MAML3: variants seen among roughly 807,000 people sequenced by gnomAD.
The protein encoded by MAML3 is mastermind like transcriptional coactivator 3.
In MAML3, 27 loss-of-function variants were observed where a neutral mutation model predicts 101.9. That is an observed-to-expected ratio of 0.27 (90% CI 0.20 to 0.37). The LOEUF is 0.37. MAML3 is among the 10% of genes least tolerant of loss of function. The probability of loss-of-function intolerance (pLI) is 1.00; values close to 1 mark genes in which losing one functional copy is unlikely to be tolerated. For synonymous variants in MAML3, 501 were observed against 555.9 expected (o/e 0.90, Z 1.39); for missense variants, 1,316 against 1,444.9 (o/e 0.91, Z 1.45).
chr4:139,861,415 A>C (rs1384785918), intron 2 of MAML3, among the ~76,000 whole-genome samples: 1 of 151,054 alleles, frequency 6.6e-6, no homozygotes, highest in Non-Finnish European at 1.5e-5. Context: ...AGTCTACCCC[A>C]ACATATCCTA....
intron 1 of MAML3, among the ~76,000 whole-genome samples, chr4:140,141,088 A>G (rs780650090): frequency 1.3e-5 from 2 of 152,350 alleles, no homozygotes; most frequent in Non-Finnish European, 2.9e-5. Context: ...ACAGAAAAAT[A>G]TAGTAGCCAA....
intron 1 of MAML3, among the ~76,000 whole-genome samples, chr4:140,047,682 G>A (rs1306820392): frequency 2.0e-5 from 3 of 151,704 alleles, no homozygotes; most frequent in African/African-American, 7.3e-5. Context: ...TTCTTTGCCC[G>A]CTCTTGGAGC....
intron 2 of MAML3, among the ~76,000 whole-genome samples, chr4:139,775,614 G>A (rs558782669): frequency 2.6e-5 from 4 of 152,194 alleles, no homozygotes; most frequent in Admixed American, 2.6e-4. Context: ...GAAAATAGGG[G>A]GCAGTTTGCA....
chr4:140,134,114 A>G (rs1051953747), intron 1 of MAML3: 29 of 456,624 alleles, frequency 6.4e-5, no homozygotes, highest in Non-Finnish European at 1.2e-4. Context: ...CACAGTGCTC[A>G]GGGCAAGAAG....
At chr4:140,075,491 T>G (rs1727750394) in intron 1 of MAML3, among the ~76,000 whole-genome samples, 2 of 152,200 alleles carry the variant, frequency 1.3e-5, no homozygotes, top group Admixed American at 6.5e-5. Flanking sequence ...TATGTGCACT[T>G]TATATATTTT....
intron 1 of MAML3, among the ~76,000 whole-genome samples, chr4:139,920,728 G>A (rs1162613291): frequency 2.6e-5 from 4 of 152,188 alleles, no homozygotes; most frequent in Non-Finnish European, 4.4e-5. Flanking sequence ...CAGGGAGGCT[G>A]TAATTTCTAC....
chr4:139,837,366 T>G (rs1258648108), intron 2 of MAML3, among the ~76,000 whole-genome samples: 2 of 151,418 alleles, frequency 1.3e-5, no homozygotes, highest in Non-Finnish European at 1.5e-5. Flanking sequence ...GGCCTGGTGG[T>G]GGGCGCCTGT....
intron 1 of MAML3, among the ~76,000 whole-genome samples, chr4:139,968,309 TAA>T (rs60977680): frequency 5.2e-4 from 55 of 106,230 alleles, no homozygotes; most frequent in African/African-American, 8.4e-4. Flanking sequence ...GGCTCTGTCT[TAA>T]AAAAAAAAAA....
intron 1 of MAML3, among the ~76,000 whole-genome samples, chr4:139,979,420 CCT>C (rs762120550): frequency 2.0e-5 from 3 of 152,136 alleles, no homozygotes; most frequent in Non-Finnish European, 2.9e-5. Flanking sequence ...TCCATTTGCC[CCT>C]GTCTGCTGAG....
chr4:139,793,297 C>T lies in MAML3; in HGVS notation c.2080-62630G>A, dbSNP rs75108081. 9.2e-3 allele frequency among the ~76,000 whole-genome samples: 1,394 copies of T among 152,206 alleles called. 25 individuals are homozygous for T. The highest frequency in any genetic ancestry group is 0.032 in the African/African-American group (1,319 of 41,498). On this transcript the variant is annotated intron_variant, in intron 2 of 4. Coordinates refer to ENST00000509479, the MANE Select transcript of MAML3 (RefSeq NM_018717.5). ...ACTCAGTGTGACTGTGCGAACTCCC[C>T]GTACAGGACATTTATTAATGCTAGT... is the stretch of plus-strand genomic sequence containing the variant.
chr4:139,766,832 G>A (rs1364445507), intron 2 of MAML3, among the ~76,000 whole-genome samples: 3 of 152,334 alleles, frequency 2.0e-5, no homozygotes, highest in African/African-American at 7.2e-5. Flanking sequence ...TTGCCACTGC[G>A]CCATCTCCCT....
chr4:140,058,561 T>C (rs1344090361), intron 1 of MAML3, among the ~76,000 whole-genome samples: 1 of 78,268 alleles, frequency 1.3e-5, no homozygotes, highest in Admixed American at 1.5e-4. Context: ...TTAGATATAA[T>C]ACATGTATAT....
chr4:139,748,763 A>AGTAACT (rs58591092), intron 2 of MAML3, among the ~76,000 whole-genome samples: 82,680 of 151,398 alleles, frequency 0.55, 23,438 homozygotes, highest in East Asian at 0.76. Flanking sequence ...AGCAATTTCA[A>AGTAACT]GCTCCGAGGT....
At chr4:140,081,413 C>T (rs1727860383) in intron 1 of MAML3, among the ~76,000 whole-genome samples, 1 of 152,152 alleles carries the variant, frequency 6.6e-6, no homozygotes, top group African/African-American at 2.4e-5. Context: ...CAACACTCTC[C>T]TTATTTACCA....
At chr4:140,133,316 TTATG>T (rs1362602104) in intron 1 of MAML3, among the ~76,000 whole-genome samples, 1 of 152,176 alleles carries the variant, frequency 6.6e-6, no homozygotes, top group Admixed American at 6.5e-5. Flanking sequence ...AATTACAGGG[TTATG>T]AACAACCAGC....
At chr4:140,123,310 G>T (rs1728638397) in intron 1 of MAML3, among the ~76,000 whole-genome samples, 1 of 151,806 alleles carries the variant, frequency 6.6e-6, no homozygotes, top group South Asian at 2.1e-4. Flanking sequence ...TTTGGAAAAA[G>T]GAAAAAGGTA....
At chr4:140,048,423 C>G (rs938592341) in intron 1 of MAML3, among the ~76,000 whole-genome samples, 1 of 152,186 alleles carries the variant, frequency 6.6e-6, no homozygotes, top group African/African-American at 2.4e-5. Context: ...GGGCATAGAA[C>G]TGAAGAAAGT....
intron 1 of MAML3, among the ~76,000 whole-genome samples, chr4:139,987,780 A>C (rs1734576048): frequency 6.6e-6 from 1 of 151,860 alleles, no homozygotes; most frequent in African/African-American, 2.4e-5. Context: ...AGCACTTTGG[A>C]AGGCCGAGGC....
chr4:139,936,739 G>A (rs1013865979), intron 1 of MAML3, among the ~76,000 whole-genome samples: 1 of 152,030 alleles, frequency 6.6e-6, no homozygotes, highest in African/African-American at 2.4e-5. Flanking sequence ...AAAAATACCT[G>A]AGATATCTTT....
Sources: gnomAD v4.1 joint callset for allele counts (sites outside exome capture counted in the v4.1 genomes callset) on GRCh38, gnomAD v4.1.1 for gene constraint, MANE v1.5 for transcripts, NCBI Gene and HGNC (gene_info 2026-07-23, HGNC 2026-07-21) for gene names.